ZFHX3: variants seen among roughly 807,000 people sequenced by gnomAD.
ZFHX3 encodes the protein zinc finger homeobox protein 3.
In ZFHX3, 42 loss-of-function variants were observed where a neutral mutation model predicts 279.1. That is an observed-to-expected ratio of 0.15 (90% CI 0.12 to 0.19). ZFHX3 has a LOEUF of 0.19. ZFHX3 is among the 10% of genes least tolerant of loss of function. ZFHX3 has a pLI of 1.00. For missense variants in ZFHX3, 4,981 were observed against 4,754.0 expected (o/e 1.05, Z -1.40); for synonymous variants, 2,293 against 1,957.8 (o/e 1.17, Z -4.52).
At chr16:73,767,997 GGCAT>G (rs1220523906) in intron 1 of ZFHX3, among the ~76,000 whole-genome samples, 1 of 152,174 alleles carries the variant, frequency 6.6e-6, no homozygotes, top group Non-Finnish European at 1.5e-5. Flanking sequence ...GATCTGAAGA[GGCAT>G]GGCACACGGG....
At chr16:72,834,436 T>A (rs1597290057) in intron 4 of ZFHX3, among the ~76,000 whole-genome samples, 1 of 152,218 alleles carries the variant, frequency 6.6e-6, no homozygotes, top group East Asian at 1.9e-4. Flanking sequence ...GAAAGCTTCC[T>A]AGGACAGCTT....
chr16:73,700,395 C>T (rs10500574), intron 1 of ZFHX3, among the ~76,000 whole-genome samples: 2,239 of 152,198 alleles, frequency 0.015, 58 homozygotes, highest in African/African-American at 0.052. Flanking sequence ...TTGCAAGACA[C>T]GATGATCTTT....
chr16:73,388,094 C>T (rs769481984), intron 3 of ZFHX3, among the ~76,000 whole-genome samples: 1 of 152,104 alleles, frequency 6.6e-6, no homozygotes, highest in Non-Finnish European at 1.5e-5. Context: ...AAATCAGTGC[C>T]ACACAGTGCA....
chr16:73,550,134 G>A (rs1596992983), intron 2 of ZFHX3, among the ~76,000 whole-genome samples: 1 of 152,124 alleles, frequency 6.6e-6, no homozygotes, highest in Admixed American at 6.5e-5. Flanking sequence ...TCTCCGAGGT[G>A]AGGCCAGGTC....
At chr16:72,992,696 T>C (rs1183640578) in intron 1 of ZFHX3, among the ~76,000 whole-genome samples, 3 of 152,078 alleles carry the variant, frequency 2.0e-5, no homozygotes, top group Admixed American at 1.3e-4. Flanking sequence ...AATTAGCAAA[T>C]AAAGGAGACT....
chr16:73,750,170 T>G (rs2053748907), intron 1 of ZFHX3, among the ~76,000 whole-genome samples: 1 of 152,148 alleles, frequency 6.6e-6, no homozygotes, highest in Non-Finnish European at 1.5e-5. Context: ...CCCCTAGGTT[T>G]GGTAAGTTGC....
At chr16:72,950,407 C>T in intron 3 of ZFHX3, 62 bp downstream of exon 3, 5 of 1,575,518 alleles carry the variant, frequency 3.2e-6, no homozygotes, top group Non-Finnish European at 3.5e-6. Flanking sequence ...CTCCCTAACT[C>T]CCCGGTGCGC....
intron 8 of ZFHX3, among the ~76,000 whole-genome samples, chr16:73,072,730 A>G (rs1180100028): frequency 6.6e-6 from 1 of 152,084 alleles, no homozygotes; most frequent in South Asian, 2.1e-4. Flanking sequence ...ATGCCAGGCT[A>G]ATTTGTTTTA....
intron 8 of ZFHX3, among the ~76,000 whole-genome samples, chr16:73,084,811 C>T (rs188428359): frequency 1.3e-5 from 2 of 152,198 alleles, no homozygotes; most frequent in South Asian, 2.1e-4. Flanking sequence ...TGAGCCACCG[C>T]GTCTGGCCAT....
chr16:73,299,798 A>G (rs1370422792), intron 4 of ZFHX3, among the ~76,000 whole-genome samples: 1 of 152,204 alleles, frequency 6.6e-6, no homozygotes, highest in Non-Finnish European at 1.5e-5. Context: ...AAAGGTAATG[A>G]GAAGCATGCT....
At chr16:73,125,471 G>T (rs1251918229) in intron 7 of ZFHX3, 1 of 152,078 alleles carries the variant, frequency 6.6e-6, no homozygotes, top group African/African-American at 2.4e-5. Flanking sequence ...GTCTGTGAGG[G>T]TGTTGCAGAA....
At position 73,275,327 on chromosome 16, in the gene ZFHX3, C is replaced by T. The variant is rs77912466; in HGVS notation, c.-1193-18191G>A. Among the ~76,000 whole-genome samples the T allele has an allele frequency of 3.4e-3, 516 of 152,286 alleles. 5 individuals are homozygous for T. Among genetic ancestry groups the T allele is most frequent in the African/African-American group, 0.012 (496 of 41,570 alleles). ...TTACCATGCCCTCCTGATAGGAAAT[C>T]TGTGTGTCTGTATTTCCCTCTTAGG... On this transcript the variant is annotated intron_variant, in intron 4 of 17. Transcript: ENST00000641206.
chr16:72,846,284 G>C (rs1362139573), intron 4 of ZFHX3, among the ~76,000 whole-genome samples: 1 of 152,250 alleles, frequency 6.6e-6, no homozygotes, highest in Admixed American at 6.5e-5. Flanking sequence ...CCTGGAAGAA[G>C]TGAGAGTGTG....
chr16:73,758,693 TC>T lies in ZFHX3; in HGVS notation c.-1607-78454del, dbSNP rs560912080. Among the ~76,000 whole-genome samples the T allele has an allele frequency of 1.7e-3, 260 of 152,326 alleles. 2 individuals are homozygous for T. The highest frequency in any genetic ancestry group is 6.0e-3 in the African/African-American group (248 of 41,584). ...CAGGGATGCATTATTCAGGGTTGCTTCCTTCTCACTGGACTTCACTGCTGTA... is the reference window on the plus strand; with the variant it reads ...CAGGGATGCATTATTCAGGGTTGCTTCTTCTCACTGGACTTCACTGCTGTA... On this transcript the variant is annotated intron_variant, in intron 1 of 17. Coordinates refer to the ZFHX3 transcript ENST00000641206.
intron 2 of ZFHX3, among the ~76,000 whole-genome samples, chr16:73,470,369 G>A (rs1264399392): frequency 6.6e-6 from 1 of 152,144 alleles, no homozygotes; most frequent in Non-Finnish European, 1.5e-5. Flanking sequence ...GACAGTCCTG[G>A]TCTGTATCTG....
chr16:73,546,704 C>CTGCTGT (rs2020117229), intron 2 of ZFHX3, among the ~76,000 whole-genome samples: 1 of 117,250 alleles, frequency 8.5e-6, no homozygotes, highest in Non-Finnish European at 1.5e-5. Flanking sequence ...GCTGCTGCTG[C>CTGCTGT]TGCTGCTGCT....
chr16:73,005,267 G>A lies in ZFHX3; in HGVS notation c.-50+42485C>T, dbSNP rs532919528. Reference sequence around the variant, plus strand: ...TGCCAGCACTTTGGGAGGCCAAGGCGGGAAGATAATGAGGCCATGAGTTTG... The same window carrying A: ...TGCCAGCACTTTGGGAGGCCAAGGCAGGAAGATAATGAGGCCATGAGTTTG... On this transcript the variant is annotated intron_variant, in intron 1 of 9. Coordinates refer to ENST00000268489, the MANE Select transcript of ZFHX3 (RefSeq NM_006885.4). Among the ~76,000 whole-genome samples, 7 of 152,286 alleles carry A rather than the reference G, an allele frequency of 4.6e-5. No individual in the cohort carries two copies. In the East Asian group the frequency reaches 5.8e-4, roughly 13 times the overall value.
At chr16:73,303,635 A>C (rs2143139634) in intron 4 of ZFHX3, among the ~76,000 whole-genome samples, 1 of 152,332 alleles carries the variant, frequency 6.6e-6, no homozygotes, top group East Asian at 1.9e-4. Flanking sequence ...TATAAGTCAA[A>C]CCAAAAACCT....
intron 1 of ZFHX3, among the ~76,000 whole-genome samples, chr16:73,032,825 C>G (rs951078025): frequency 3.9e-5 from 6 of 152,162 alleles, no homozygotes; most frequent in African/African-American, 1.4e-4. Flanking sequence ...CCACAGGGGC[C>G]TAATACCCAT....
Sources: allele counts gnomAD v4.1 joint callset (sites outside exome capture counted in the v4.1 genomes callset), GRCh38; gene constraint gnomAD v4.1.1; transcripts MANE v1.5; gene names NCBI Gene and HGNC (gene_info 2026-07-23, HGNC 2026-07-21).